The following EBF1 variants were observed in gnomAD, a reference collection of about 807,000 sequenced individuals.
EBF1 encodes transcription factor COE1.
In EBF1, 10 loss-of-function variants were observed where a neutral mutation model predicts 68.4. The observed-to-expected ratio is 0.15, with a 90% CI of 0.09 to 0.25. The LOEUF is 0.25. EBF1 is among the 10% of genes least tolerant of loss of function. EBF1 has a pLI of 1.00. For missense variants in EBF1, 509 were observed against 794.4 expected, an observed-to-expected ratio of 0.64 and a Z score of 4.32; for synonymous variants, 298 against 299.8, an observed-to-expected ratio of 0.99 and a Z score of 0.06.
At chr5:158,821,487 A>G (rs1784813313) in intron 8 of EBF1, among the ~76,000 whole-genome samples, 1 of 152,192 alleles carries the variant, frequency 6.6e-6, no homozygotes, top group South Asian at 2.1e-4. Flanking sequence ...ATATTTTGAA[A>G]GTGTGAACCC....
At chr5:159,056,441 G>A (rs775488757) in intron 6 of EBF1, among the ~76,000 whole-genome samples, 55 of 152,162 alleles carry the variant, frequency 3.6e-4, no homozygotes, top group Non-Finnish European at 6.9e-4. Context: ...CTTACCAGGC[G>A]AATGAATGCC....
At chr5:158,768,396 A>G (rs1773196422) in intron 10 of EBF1, among the ~76,000 whole-genome samples, 1 of 152,186 alleles carries the variant, frequency 6.6e-6, no homozygotes, top group African/African-American at 2.4e-5. Flanking sequence ...GATGTAAGAT[A>G]TAATTATTAT....
chr5:158,858,839 G>A (rs1420973412), intron 6 of EBF1, among the ~76,000 whole-genome samples: 1 of 152,188 alleles, frequency 6.6e-6, no homozygotes, highest in African/African-American at 2.4e-5. Flanking sequence ...TGTGGAAGTA[G>A]TTGGTTCACT....
At chr5:158,811,918 T>C (rs1043870074) in intron 8 of EBF1, among the ~76,000 whole-genome samples, 1 of 152,192 alleles carries the variant, frequency 6.6e-6, no homozygotes, top group African/African-American at 2.4e-5. Context: ...TTCATTCTCA[T>C]TGAAAATTTT....
chr5:158,854,877 T>G (rs1052932539), intron 6 of EBF1, among the ~76,000 whole-genome samples: 9 of 152,196 alleles, frequency 5.9e-5, no homozygotes, highest in Non-Finnish European at 1.2e-4. Flanking sequence ...GGTCAGCACA[T>G]GCCAGGCACT....
chr5:158,903,301 T>C (rs1803849217), intron 6 of EBF1, among the ~76,000 whole-genome samples: 1 of 152,240 alleles, frequency 6.6e-6, no homozygotes, highest in African/African-American at 2.4e-5. Context: ...TTTCCATAAA[T>C]GTTTTCTGCA....
At chr5:158,809,117 T>C (rs1056707625) in intron 8 of EBF1, among the ~76,000 whole-genome samples, 1 of 152,148 alleles carries the variant, frequency 6.6e-6, no homozygotes, top group African/African-American at 2.4e-5. Flanking sequence ...AGGGACCTCA[T>C]TCATTTACAA....
Position 158,975,442 on chromosome 5 carries a change from T to C in EBF1, c.554+97954A>G, listed in dbSNP as rs1419232067. ...ATCAGTGCTAAAGTTGTGAATGCTG[T>C]GTGGTGTCTTCATATATTTTCCAAC... On this transcript the variant is annotated intron_variant, in intron 6 of 15. Coordinates refer to ENST00000313708, the MANE Select transcript of EBF1 (RefSeq NM_024007.5). Among the ~76,000 whole-genome samples, 3 of 152,260 alleles carry C rather than the reference T, an allele frequency of 2.0e-5. No individual in the cohort carries two copies. The East Asian group carries it at 5.8e-4, about 29-fold the overall frequency.
At chr5:158,981,504 TAAAC>T (rs1311053348) in intron 6 of EBF1, among the ~76,000 whole-genome samples, 2 of 152,162 alleles carry the variant, frequency 1.3e-5, no homozygotes, top group African/African-American at 2.4e-5. Context: ...ATAGAGCTAA[TAAAC>T]AAACACATAA....
At chr5:158,765,064 T>C (rs963508334) in intron 10 of EBF1, among the ~76,000 whole-genome samples, 1 of 152,212 alleles carries the variant, frequency 6.6e-6, no homozygotes, top group Non-Finnish European at 1.5e-5. Flanking sequence ...AAGAGACACA[T>C]AGTGTCAGTA....
intron 11 of EBF1, among the ~76,000 whole-genome samples, chr5:158,718,546 G>A (rs1358340928): frequency 6.6e-6 from 1 of 152,138 alleles, no homozygotes; most frequent in African/African-American, 2.4e-5. Flanking sequence ...TGAAAGTGGA[G>A]CAAGAACTCA....
At position 158,845,093 on chromosome 5, in the gene EBF1, T is replaced by G. The variant is rs559294016; in HGVS notation, c.555-4983A>C. On this transcript the variant is annotated intron_variant, in intron 6 of 15. Transcript: ENST00000313708. Reference sequence around the variant, plus strand: ...TAAAAAATCATCCCTGCATGCATAGTGCCCGGCGTAAGACCTAGAACCCAG... The same window carrying G: ...TAAAAAATCATCCCTGCATGCATAGGGCCCGGCGTAAGACCTAGAACCCAG... Among the ~76,000 whole-genome samples, 56 of 152,306 alleles carry G rather than the reference T, an allele frequency of 3.7e-4. 1 individual carries two copies. The South Asian group carries it at 0.012, about 32-fold the overall frequency.
chr5:158,727,070 TGA>T (rs1371364291), intron 11 of EBF1, among the ~76,000 whole-genome samples: 2 of 152,222 alleles, frequency 1.3e-5, no homozygotes, highest in Non-Finnish European at 2.9e-5. Context: ...CATGGGAGGT[TGA>T]GTCATGTGTA....
chr5:158,835,961 G>A (rs184220972), intron 7 of EBF1, among the ~76,000 whole-genome samples: 66 of 152,144 alleles, frequency 4.3e-4, no homozygotes, highest in African/African-American at 1.4e-3. Context: ...TACCAATATC[G>A]ATAGAAGCAC....
At chr5:158,852,947 G>C (rs1163957679) in intron 6 of EBF1, among the ~76,000 whole-genome samples, 1 of 152,064 alleles carries the variant, frequency 6.6e-6, no homozygotes, top group African/African-American at 2.4e-5. Context: ...AAAATTGGTT[G>C]ATCATTTACA....
In EBF1 at chr5:158,710,478, T is replaced by C. The variant is rs1392939366; in HGVS notation, c.1549+1676A>G. ...AATGGGAGAACACTGAAATTATAGA[T>C]CTCTATGAGAAACAATCTTTTGATA... On this transcript the variant is annotated intron_variant, in intron 14 of 15. Transcript: ENST00000313708. Among the ~76,000 whole-genome samples the C allele has an allele frequency of 3.3e-5, 5 of 152,340 alleles. 1 individual carries two copies. In the South Asian group the frequency reaches 1.0e-3, roughly 32 times the overall value.
At chr5:158,775,325 G>C (rs1240763569) in intron 10 of EBF1, among the ~76,000 whole-genome samples, 3 of 151,700 alleles carry the variant, frequency 2.0e-5, no homozygotes, top group African/African-American at 7.3e-5. Flanking sequence ...TTATGGCCAG[G>C]TGGCTCTAGG....
intron 10 of EBF1, among the ~76,000 whole-genome samples, chr5:158,762,455 CTT>C (rs1299258131): frequency 6.6e-6 from 1 of 152,192 alleles, no homozygotes; most frequent in African/African-American, 2.4e-5. Context: ...GAAACAAAAT[CTT>C]TTCTTTGAAT....
intron 6 of EBF1, among the ~76,000 whole-genome samples, chr5:158,976,975 C>G (rs1166573162): frequency 6.6e-6 from 1 of 152,208 alleles, no homozygotes; most frequent in East Asian, 1.9e-4. Context: ...TCTACTGCTC[C>G]TGGGGTAGTC....
Sources: gnomAD v4.1 joint callset for allele counts (sites outside exome capture counted in the v4.1 genomes callset) on GRCh38, gnomAD v4.1.1 for gene constraint, MANE v1.5 for transcripts, NCBI Gene and HGNC (gene_info 2026-07-23, HGNC 2026-07-21) for gene names.